Variants in APBB2 observed in about 807,000 individuals in gnomAD.
APBB2 encodes the protein Fe65-like 1.
A neutral mutation model predicts 82.5 loss-of-function variants in APBB2; 38 were observed. That is an observed-to-expected ratio of 0.46 (90% CI 0.36 to 0.60). The LOEUF is 0.60. Ranked by LOEUF, APBB2 falls within the 20% of genes least tolerant of loss-of-function variation. APBB2 has a pLI of 0.00. For missense variants in APBB2, 772 were observed against 972.3 expected (o/e 0.79, Z 2.74); for synonymous variants, 341 against 368.2 (o/e 0.93, Z 0.85).
At chr4:41,161,126 C>T (rs956047697) in intron 1 of APBB2, among the ~76,000 whole-genome samples, 6 of 133,278 alleles carry the variant, frequency 4.5e-5, no homozygotes, top group Non-Finnish European at 9.1e-5. Context: ...CTCAAACTGA[C>T]AGCATGTATT....
intron 6 of APBB2, among the ~76,000 whole-genome samples, chr4:40,990,620 C>T (rs1267555463): frequency 6.6e-6 from 1 of 152,184 alleles, no homozygotes; most frequent in Non-Finnish European, 1.5e-5. Context: ...GGAGTTGTGG[C>T]AAGCTCATGG....
intron 3 of APBB2, among the ~76,000 whole-genome samples, chr4:41,093,536 T>G (rs1742494759): frequency 6.6e-6 from 1 of 152,088 alleles, no homozygotes; most frequent in African/African-American, 2.4e-5. Flanking sequence ...TTTCCCAGAT[T>G]TTTTTCTTGC....
intron 4 of APBB2, among the ~76,000 whole-genome samples, chr4:41,038,515 T>A (rs907484860): frequency 5.3e-5 from 8 of 152,068 alleles, no homozygotes; most frequent in Non-Finnish European, 1.2e-4. Context: ...CCCGGATCTA[T>A]CGCAGATCTA....
intron 6 of APBB2, among the ~76,000 whole-genome samples, chr4:40,990,798 A>G (rs1801805293): frequency 6.6e-6 from 1 of 152,170 alleles, no homozygotes; most frequent in African/African-American, 2.4e-5. Flanking sequence ...ATCCTACTCC[A>G]AACTGTATGT....
intron 6 of APBB2, among the ~76,000 whole-genome samples, chr4:40,992,090 A>G (rs927438900): frequency 1.3e-5 from 2 of 152,180 alleles, no homozygotes; most frequent in African/African-American, 2.4e-5. Flanking sequence ...ATCTTTGCTA[A>G]CACTTAATAC....
rs148417809 is a variant in APBB2, at chr4:41,139,861, T to C, written c.-261+3126A>G. On this transcript the variant is annotated intron_variant, in intron 2 of 17. Coordinates refer to ENST00000508593, the MANE Select transcript of APBB2 (RefSeq NM_004307.2). ...CAACTTATATATTTATGAAAGCTCA[T>C]AGAACATACAACGCAAAGAGTGAAC... Among the ~76,000 whole-genome samples the C allele has an allele frequency of 6.3e-3, 952 of 152,272 alleles. 9 individuals are homozygous for C. Among genetic ancestry groups the C allele is most frequent in the African/African-American group, 0.019 (781 of 41,546 alleles).
intron 10 of APBB2, among the ~76,000 whole-genome samples, chr4:40,933,579 G>A (rs551986105): frequency 1.3e-5 from 2 of 152,298 alleles, no homozygotes; most frequent in South Asian, 4.1e-4. Context: ...TACCCAGGGA[G>A]TGTGCACTTG....
At chr4:41,093,862 A>G (rs1742620456) in intron 3 of APBB2, among the ~76,000 whole-genome samples, 1 of 152,074 alleles carries the variant, frequency 6.6e-6, no homozygotes, top group Non-Finnish European at 1.5e-5. Flanking sequence ...CTCAAAAAAA[A>G]AAAAAAAAGT....
rs1744389788 is a variant in APBB2 at position 40,811,471 on chromosome 4, G to C, written c.*4621C>G. 6.6e-6 allele frequency: 1 copy of C among 151,120 alleles called. No individual in the cohort carries two copies. The highest frequency in any genetic ancestry group is 2.1e-4 in the South Asian group (1 of 4,796). 9.4% of individuals were successfully genotyped at this position (151,120 alleles called of 1,614,324 possible). On this transcript the variant is annotated 3_prime_UTR_variant, in exon 18 of 18. Transcript: ENST00000508593. ...CAGGAGGCTGAGGCGAGAATTGCTT[G>C]AACTTGGGAGGTGGAGGTTGTGGTG...
chr4:40,888,373 T>C (rs1219903787), intron 12 of APBB2, among the ~76,000 whole-genome samples: 2 of 152,234 alleles, frequency 1.3e-5, no homozygotes, highest in Non-Finnish European at 2.9e-5. Flanking sequence ...ACCTCATCAA[T>C]ACAATCCACT....
chr4:41,006,943 T>C (rs998669818), intron 6 of APBB2, among the ~76,000 whole-genome samples: 1 of 152,250 alleles, frequency 6.6e-6, no homozygotes, highest in Non-Finnish European at 1.5e-5. Context: ...GTGCTGCCAG[T>C]TGTGTTGACA....
chr4:40,939,878 C>T (rs963263506), intron 7 of APBB2, among the ~76,000 whole-genome samples: 8 of 151,172 alleles, frequency 5.3e-5, no homozygotes, highest in African/African-American at 1.9e-4. Flanking sequence ...AAAAAAAAAT[C>T]AAACTAGTAA....
At chr4:40,872,352 A>G (rs576507674) in intron 12 of APBB2, among the ~76,000 whole-genome samples, 1 of 152,318 alleles carries the variant, frequency 6.6e-6, no homozygotes, top group East Asian at 1.9e-4. Flanking sequence ...ACGAACGGTG[A>G]CAGAAAGGCT....
At chr4:40,870,580 A>C (rs1019342088) in intron 12 of APBB2, among the ~76,000 whole-genome samples, 5 of 152,158 alleles carry the variant, frequency 3.3e-5, no homozygotes, top group Non-Finnish European at 5.9e-5. Flanking sequence ...AGGAAGATGG[A>C]GGAGCAAAGC....
At chr4:40,868,805 C>T (rs1333452204) in intron 12 of APBB2, among the ~76,000 whole-genome samples, 1 of 152,146 alleles carries the variant, frequency 6.6e-6, no homozygotes, top group Non-Finnish European at 1.5e-5. Flanking sequence ...CTTTTAACCA[C>T]CAAAGAGCCA....
intron 2 of APBB2, among the ~76,000 whole-genome samples, chr4:41,110,332 C>A (rs940052891): frequency 1.3e-5 from 2 of 152,140 alleles, no homozygotes; most frequent in Middle Eastern, 3.2e-3. Context: ...CAGCCGGACA[C>A]GGTGGCTCAC....
intron 1 of APBB2, among the ~76,000 whole-genome samples, chr4:41,161,631 G>A (rs1765190158): frequency 6.6e-6 from 1 of 151,976 alleles, no homozygotes; most frequent in South Asian, 2.1e-4. Flanking sequence ...AAAAAATAAA[G>A]TACAACATTC....
chr4:41,088,071 T>C (rs1057308993), intron 3 of APBB2, among the ~76,000 whole-genome samples: 2 of 152,160 alleles, frequency 1.3e-5, no homozygotes, highest in African/African-American at 4.8e-5. Context: ...ATATATAGAA[T>C]TCGTGATTGA....
At chr4:41,108,511 T>C (rs1456494580) in intron 2 of APBB2, among the ~76,000 whole-genome samples, 1 of 152,198 alleles carries the variant, frequency 6.6e-6, no homozygotes, top group Non-Finnish European at 1.5e-5. Flanking sequence ...TCAGTTCTCC[T>C]CTACCCAAGT....
Sources: gnomAD v4.1 joint callset for allele counts (sites outside exome capture counted in the v4.1 genomes callset) on GRCh38, gnomAD v4.1.1 for gene constraint, MANE v1.5 for transcripts, NCBI Gene and HGNC (gene_info 2026-07-23, HGNC 2026-07-21) for gene names.